SHANK2: variants seen among roughly 807,000 people sequenced by gnomAD.
SHANK2 encodes SH3 and multiple ankyrin repeat domains 2.
In SHANK2, 43 loss-of-function variants were observed where a neutral mutation model predicts 133.7. The ratio of observed to expected loss-of-function variants is 0.32; its 90% CI spans 0.25 to 0.41. The LOEUF (loss-of-function observed/expected upper bound fraction) is 0.41, where lower values mean the gene tolerates loss of function less well. Ranked by LOEUF, SHANK2 falls within the 10% of genes least tolerant of loss-of-function variation. SHANK2 has a pLI of 1.00. For synonymous variants in SHANK2, 1,017 were observed against 952.8 expected, an observed-to-expected ratio of 1.07 and a Z score of -1.24; for missense variants, 1,994 against 2,235.8, an observed-to-expected ratio of 0.89 and a Z score of 2.18.
At chr11:70,718,840 C>T (rs1171997723) in intron 14 of SHANK2, among the ~76,000 whole-genome samples, 2 of 151,890 alleles carry the variant, frequency 1.3e-5, no homozygotes, top group Non-Finnish European at 2.9e-5. Context: ...GTCCTTCATC[C>T]CCCTGGAGAG....
At chr11:70,524,854 T>C (rs1478510139) in intron 17 of SHANK2, among the ~76,000 whole-genome samples, 1 of 152,238 alleles carries the variant, frequency 6.6e-6, no homozygotes, top group Non-Finnish European at 1.5e-5. Context: ...CCGCTGCCTC[T>C]CACCATCTCA....
At chr11:71,216,921 G>C (rs782053063) in intron 2 of SHANK2, among the ~76,000 whole-genome samples, 7 of 152,216 alleles carry the variant, frequency 4.6e-5, no homozygotes, top group Non-Finnish European at 8.8e-5. Flanking sequence ...AAGAGGCTGG[G>C]TGCAGTGGCT....
intron 8 of SHANK2, among the ~76,000 whole-genome samples, chr11:71,082,302 G>A (rs956390318): frequency 1.3e-5 from 2 of 152,176 alleles, no homozygotes; most frequent in Non-Finnish European, 2.9e-5. Flanking sequence ...CGGTCACTGC[G>A]GTGCCTGAAC....
intron 6 of SHANK2, 24 bp downstream of exon 6, chr11:71,109,917 A>AGGTC: frequency 7.0e-7 from 1 of 1,438,350 alleles, no homozygotes; most frequent in Admixed American, 2.0e-5. Context: ...AAGCCTGGTA[A>AGGTC]GGTCCCCTCT....
Position 71,131,659 on chromosome 11 carries a change from A to G in SHANK2, c.208-12627T>C, listed in dbSNP as rs190637988. Among the ~76,000 whole-genome samples, 464 of 152,278 alleles carry G rather than the reference A, an allele frequency of 3.0e-3. 4 individuals are homozygous for G. The highest frequency in any genetic ancestry group is 0.01 in the African/African-American group (434 of 41,546). On this transcript the variant is annotated intron_variant, in intron 3 of 25. Transcript: ENST00000601538. ...ACTTAATCTTCCTCTTTTCATAGCC[A>G]TGATTTCAGGCAGAGCCATTGTAAA...
chr11:70,766,640 C>A (rs148758067), intron 14 of SHANK2, among the ~76,000 whole-genome samples: 1 of 152,288 alleles, frequency 6.6e-6, no homozygotes, highest in Non-Finnish European at 1.5e-5. Context: ...GAGCAGTGTA[C>A]GTGGATATCA....
chr11:70,527,448 G>GGGGCCTGATTCAAGTT (rs782806588), intron 17 of SHANK2, among the ~76,000 whole-genome samples: 1 of 152,204 alleles, frequency 6.6e-6, no homozygotes, highest in Non-Finnish European at 1.5e-5. Flanking sequence ...GGGCTCAGGT[G>GGGGCCTGATTCAAGTT]GGGCCTGATT....
chr11:70,596,754 G>C (rs11236770), intron 17 of SHANK2, among the ~76,000 whole-genome samples: 1 of 151,930 alleles, frequency 6.6e-6, no homozygotes, highest in Non-Finnish European at 1.5e-5. Flanking sequence ...CCGGGGTCAC[G>C]GGCACTTTGG....
At chr11:71,077,499 C>G (rs1473824689) in intron 8 of SHANK2, among the ~76,000 whole-genome samples, 2 of 152,138 alleles carry the variant, frequency 1.3e-5, no homozygotes, top group African/African-American at 4.8e-5. Flanking sequence ...TCCACTTTTC[C>G]CACATCCATT....
At position 70,487,625 on chromosome 11, in the gene SHANK2, G is replaced by C. The variant is rs782309898; in HGVS notation, c.2668C>G (p.Pro890Ala). Residue 890 changes from proline to alanine, a missense_variant, in exon 25 of 26, where the codon CCA becomes GCA. This residue lies in a region of SHANK2 where 488 missense variants were observed against 642.6 expected (regional missense o/e 0.76). Coordinates refer to ENST00000601538, the MANE Select transcript of SHANK2 (RefSeq NM_012309.5). The surrounding 1 kb of genome is among the most constrained non-coding windows in gnomAD (Gnocchi z 5.8). The stretch of plus-strand genomic sequence containing the variant: ...GGGGACGGGGGCACAGACTGCGGTG[G>C]AGGGGGGATGTCCTCAGAGGTGTCC... ...MPDTSEDIPPPPQSVPPSPPP... is the reference protein window; with the variant it reads ...MPDTSEDIPPAPQSVPPSPPP... 9.3e-6 allele frequency: 15 copies of C among 1,606,142 alleles called. No homozygotes were observed. The highest frequency in any genetic ancestry group is 1.7e-5 in the Admixed American group (1 of 58,784).
intron 17 of SHANK2, among the ~76,000 whole-genome samples, chr11:70,630,244 C>T (rs532928810): frequency 4.6e-5 from 7 of 152,318 alleles, no homozygotes; most frequent in South Asian, 4.1e-4. Flanking sequence ...TGAGGCCAGA[C>T]GGCAGGCAGC....
At chr11:71,217,377 C>A (rs954253714) in intron 2 of SHANK2, among the ~76,000 whole-genome samples, 1 of 151,432 alleles carries the variant, frequency 6.6e-6, no homozygotes, top group Admixed American at 6.6e-5. Context: ...CACGGTGGCG[C>A]GCCTGTAATC....
intron 14 of SHANK2, among the ~76,000 whole-genome samples, chr11:70,750,181 T>C (rs1221393393): frequency 6.6e-5 from 10 of 152,176 alleles, no homozygotes; most frequent in African/African-American, 2.4e-4. Flanking sequence ...TCCCATTTTT[T>C]CCCTTGGGCT....
At chr11:70,872,586 C>T (rs1387823404) in intron 11 of SHANK2, among the ~76,000 whole-genome samples, 1 of 151,782 alleles carries the variant, frequency 6.6e-6, no homozygotes, top group African/African-American at 2.4e-5. Context: ...GAATAGGGGG[C>T]CCCCATACAG....
intron 3 of SHANK2, among the ~76,000 whole-genome samples, chr11:71,131,873 C>T (rs4945026): frequency 6.6e-6 from 1 of 152,048 alleles, no homozygotes; most frequent in African/African-American, 2.4e-5. Flanking sequence ...TCCGGGAGGC[C>T]GCATTAGCAC....
chr11:70,791,926 C>T (rs1947794379), intron 14 of SHANK2, among the ~76,000 whole-genome samples: 1 of 152,200 alleles, frequency 6.6e-6, no homozygotes, highest in South Asian at 2.1e-4. Flanking sequence ...GCAGGAAAGC[C>T]CACTGGAGAC....
chr11:70,528,373 C>T (rs992559745), intron 17 of SHANK2, among the ~76,000 whole-genome samples: 8 of 152,162 alleles, frequency 5.3e-5, no homozygotes, highest in Admixed American at 3.3e-4. Context: ...TGCCTCGACG[C>T]GCAATGCAGG....
At chr11:70,815,205 C>T (rs1948366299) in intron 12 of SHANK2, among the ~76,000 whole-genome samples, 1 of 128,750 alleles carries the variant, frequency 7.8e-6, no homozygotes, top group South Asian at 2.3e-4. Context: ...CACACACACA[C>T]ACACACACAC....
chr11:70,905,238 C>A (rs115394553), intron 10 of SHANK2, among the ~76,000 whole-genome samples: 1 of 152,170 alleles, frequency 6.6e-6, no homozygotes, highest in African/African-American at 2.4e-5. Context: ...TTCCACTGCT[C>A]CTATTATATC....
Sources: gnomAD v4.1 joint callset for allele counts (sites outside exome capture counted in the v4.1 genomes callset) on GRCh38, gnomAD v4.1.1 for gene constraint, gnomAD v4.1.1 regional missense constraint, Gnocchi (gnomAD v3.1) non-coding constraint, MANE v1.5 for transcripts, NCBI Gene and HGNC (gene_info 2026-07-23, HGNC 2026-07-21) for gene names.